HECW1: variants seen among roughly 807,000 people sequenced by gnomAD.
HECW1 encodes the protein E3 ubiquitin-protein ligase HECW1.
In HECW1, 61 loss-of-function variants were observed where a neutral mutation model predicts 182.3. The ratio of observed to expected loss-of-function variants is 0.33; its 90% CI spans 0.27 to 0.41. The LOEUF is 0.41. Ranked by LOEUF, HECW1 falls within the 10% of genes least tolerant of loss-of-function variation. The pLI, the probability that HECW1 is intolerant of heterozygous loss-of-function variation, is 1.00. For synonymous variants in HECW1, 859 were observed against 832.6 expected (o/e 1.03, Z -0.55); for missense variants, 1,739 against 2,108.9 (o/e 0.82, Z 3.44).
chr7:43,561,965 C>A lies in HECW1; in HGVS notation c.*39C>A. 2 of 1,158,768 alleles carry A rather than the reference C, an allele frequency of 1.7e-6. No homozygotes were observed. Among genetic ancestry groups the A allele is most frequent in the Non-Finnish European group, 2.6e-6 (2 of 765,704 alleles). The allele number at this position is 1,158,768 out of a possible 1,614,324, so 71.8% of individuals were successfully genotyped here. On this transcript the variant is annotated 3_prime_UTR_variant, in exon 30 of 30. Transcript: ENST00000395891. ...CGCCTGACATTTTCCTGGCCAGTGACATCACCCTTCCTGGGATGATCCCCT... is the reference window on the plus strand; with the variant it reads ...CGCCTGACATTTTCCTGGCCAGTGAAATCACCCTTCCTGGGATGATCCCCT...
intron 16 of HECW1, among the ~76,000 whole-genome samples, chr7:43,478,725 CTTCT>C (rs923113662): frequency 6.6e-6 from 1 of 151,860 alleles, no homozygotes; most frequent in Non-Finnish European, 1.5e-5. Context: ...TTTTTATTAT[CTTCT>C]TTCTACTTTT....
At chr7:43,326,403 T>G (rs1005174209) in intron 5 of HECW1, among the ~76,000 whole-genome samples, 1 of 152,194 alleles carries the variant, frequency 6.6e-6, no homozygotes, top group African/African-American at 2.4e-5. Context: ...ATGGCCACGG[T>G]GACTTGGGGC....
At chr7:43,456,605 C>A (rs1241585721) in intron 13 of HECW1, among the ~76,000 whole-genome samples, 158 bp downstream of exon 13, 3 of 151,692 alleles carry the variant, frequency 2.0e-5, no homozygotes, top group Admixed American at 2.0e-4. Flanking sequence ...ATTTGGAAAG[C>A]TAGATTTAGA....
chr7:43,305,949 G>A (rs985503005), intron 3 of HECW1, among the ~76,000 whole-genome samples: 4 of 151,904 alleles, frequency 2.6e-5, no homozygotes, highest in Non-Finnish European at 4.4e-5. Context: ...TAGTAGAGAC[G>A]GGGTTTCTCC....
chr7:43,384,806 A>G (rs369389859), intron 6 of HECW1, among the ~76,000 whole-genome samples: 142 of 152,322 alleles, frequency 9.3e-4, no homozygotes, highest in African/African-American at 3.3e-3. Context: ...TGCAAAATGC[A>G]GCCCTTGTCT....
intron 17 of HECW1, among the ~76,000 whole-genome samples, chr7:43,490,840 C>T (rs1301534314): frequency 6.6e-6 from 1 of 152,164 alleles, no homozygotes. Flanking sequence ...TCACTGCAAC[C>T]TATGCCTCCT....
chr7:43,319,763 C>T (rs1439915109), intron 4 of HECW1, among the ~76,000 whole-genome samples: 4 of 112,858 alleles, frequency 3.5e-5, no homozygotes, highest in Non-Finnish European at 5.0e-5. Flanking sequence ...CCACGCCTGG[C>T]TAATTTTTGT....
intron 8 of HECW1, among the ~76,000 whole-genome samples, chr7:43,408,889 T>C (rs1423053705): frequency 6.6e-6 from 1 of 152,126 alleles, no homozygotes; most frequent in African/African-American, 2.4e-5. Context: ...GGCCAGTTAA[T>C]AGTTTATAAA....
At chr7:43,448,550 T>G (rs2077134537) in intron 11 of HECW1, among the ~76,000 whole-genome samples, 1 of 152,162 alleles carries the variant, frequency 6.6e-6, no homozygotes, top group Admixed American at 6.5e-5. Flanking sequence ...TTGGGAAAAT[T>G]TAATGAGATG....
Position 43,214,225 on chromosome 7 carries a change from A to G in HECW1, c.-31-29650A>G, listed in dbSNP as rs544331703. 4.6e-5 allele frequency among the ~76,000 whole-genome samples: 7 copies of G among 151,836 alleles called. No individual in the cohort carries two copies. The South Asian group carries it at 6.2e-4, about 14-fold the overall frequency. On this transcript the variant is annotated intron_variant, in intron 2 of 29. Coordinates refer to ENST00000395891, the MANE Select transcript of HECW1 (RefSeq NM_015052.5). ...CAAATACATTTTTTTGTTTTTATAC[A>G]TGGATGTACATACATGTAAAATTAG...
chr7:43,527,407 G>A (rs1176879024), intron 24 of HECW1, among the ~76,000 whole-genome samples: 1 of 152,084 alleles, frequency 6.6e-6, no homozygotes, highest in Non-Finnish European at 1.5e-5. Flanking sequence ...TTCAGCTTCT[G>A]GGATTTCAAC....
chr7:43,511,927 G>A (rs767270539), intron 24 of HECW1: 7 of 191,146 alleles, frequency 3.7e-5, no homozygotes, highest in East Asian at 3.3e-4. Context: ...AAGACCTGTC[G>A]CTGTCATTTC....
intron 6 of HECW1, among the ~76,000 whole-genome samples, chr7:43,392,334 G>A (rs576692897): frequency 7.2e-5 from 11 of 152,268 alleles, no homozygotes; most frequent in Non-Finnish European, 1.6e-4. Flanking sequence ...GCATAATGTG[G>A]CCACACTCCT....
intron 3 of HECW1, among the ~76,000 whole-genome samples, chr7:43,280,368 C>A (rs1423184730): frequency 6.6e-6 from 1 of 152,006 alleles, no homozygotes; most frequent in Admixed American, 6.6e-5. Flanking sequence ...TGGATTTGGT[C>A]CAAATTTACT....
chr7:43,431,255 C>T, intron 8 of HECW1, among the ~76,000 whole-genome samples: 1 of 152,184 alleles, frequency 6.6e-6, no homozygotes, highest in East Asian at 1.9e-4. Context: ...AGCTCTCCAG[C>T]CCTGTACAGT....
chr7:43,477,422 A>G (rs376167236), intron 16 of HECW1, among the ~76,000 whole-genome samples: 14 of 152,218 alleles, frequency 9.2e-5, no homozygotes, highest in Admixed American at 2.0e-4. Flanking sequence ...TGAAAAGTCT[A>G]TTTTTAATAT....
At position 43,311,842 on chromosome 7, in the gene HECW1, A is replaced by G; in HGVS notation, c.107A>G (p.Lys36Arg). 1 of 1,614,102 alleles carries G rather than the reference A, an allele frequency of 6.2e-7. No individual in the cohort carries two copies. Among genetic ancestry groups the G allele is most frequent in the Non-Finnish European group, 8.5e-7 (1 of 1,179,996 alleles). The change falls in exon 4 of 30, where the codon AAG becomes AGG. Residue 36 changes from lysine to arginine, a missense_variant. By Grantham distance (26) the Lys-to-Arg change is conservative. Around this residue, in one of 5 missense-constraint regions of HECW1, gnomAD observed 279 missense variants for 353.1 expected, o/e 0.79. Coordinates refer to ENST00000395891, the MANE Select transcript of HECW1 (RefSeq NM_015052.5). ...SRNSQSRRRC[K>R]EPLRYSYNPD... ...AACTCCCAGAGCCGACGCCGGTGCA[A>G]GGAGCCGCTCCGATACAGCTACAAC... is the stretch of plus-strand genomic sequence containing the variant.
Position 43,141,689 on chromosome 7 carries a change from G to T in HECW1, c.-32+27298G>T, listed in dbSNP as rs187411913. Among the ~76,000 whole-genome samples, 249 of 152,148 alleles carry T rather than the reference G, an allele frequency of 1.6e-3. 1 individual carries two copies. Among genetic ancestry groups the T allele is most frequent in the Middle Eastern group, 3.4e-3 (1 of 294 alleles). ...AATGTTGTATTTTTAGTAGAGACAG[G>T]GTTTCTCCATGTTGGTCAGGCTGGT... On this transcript the variant is annotated intron_variant, in intron 2 of 29. Coordinates refer to ENST00000395891, the MANE Select transcript of HECW1 (RefSeq NM_015052.5).
intron 16 of HECW1, among the ~76,000 whole-genome samples, chr7:43,469,307 C>T (rs1019785698): frequency 2.0e-5 from 3 of 152,190 alleles, no homozygotes; most frequent in African/African-American, 7.2e-5. Flanking sequence ...CTGTGCCTTA[C>T]GGGACATTAG....
Sources: allele counts gnomAD v4.1 joint callset (sites outside exome capture counted in the v4.1 genomes callset), GRCh38; gene constraint gnomAD v4.1.1; regional missense constraint gnomAD v4.1.1; transcripts MANE v1.5; gene names NCBI Gene and HGNC (gene_info 2026-07-23, HGNC 2026-07-21).